TEAD4: variants seen among roughly 807,000 people sequenced by gnomAD.
TEAD4 encodes the protein transcriptional enhancer factor TEF-3.
Under a neutral mutation model 52.4 loss-of-function variants are expected in TEAD4, and 36 were observed. The observed-to-expected ratio is 0.69, with a 90% CI of 0.53 to 0.91. The LOEUF (loss-of-function observed/expected upper bound fraction) is 0.91, where lower values mean the gene tolerates loss of function less well. Among genes scored for constraint, TEAD4 ranks in the 40% least tolerant of loss-of-function variants. The pLI is 0.00. For missense variants in TEAD4, 508 were observed against 583.9 expected, an observed-to-expected ratio of 0.87 and a Z score of 1.34; for synonymous variants, 220 against 231.0, an observed-to-expected ratio of 0.95 and a Z score of 0.43.
At chr12:3,032,921 C>T (rs1399890092) in intron 10 of TEAD4, among the ~76,000 whole-genome samples, 5 of 151,978 alleles carry the variant, frequency 3.3e-5, no homozygotes, top group African/African-American at 1.2e-4. Context: ...TGCCCCGGCT[C>T]CCCCCGCATC....
intron 10 of TEAD4, among the ~76,000 whole-genome samples, chr12:3,035,014 T>C (rs2098278486): frequency 6.6e-6 from 1 of 151,846 alleles, no homozygotes; most frequent in Non-Finnish European, 1.5e-5. Context: ...GGCAGAAGAA[T>C]CACTTGAACC....
intron 2 of TEAD4, among the ~76,000 whole-genome samples, chr12:2,986,988 G>T (rs2098239081): frequency 6.6e-6 from 1 of 152,198 alleles, no homozygotes; most frequent in African/African-American, 2.4e-5. Flanking sequence ...TGCGTTCCTA[G>T]CTTTCTGGTC....
At chr12:2,986,002 C>T (rs1204702825) in intron 2 of TEAD4, among the ~76,000 whole-genome samples, 1 of 151,882 alleles carries the variant, frequency 6.6e-6, no homozygotes, top group East Asian at 2.0e-4. Context: ...CGGAGAATTG[C>T]TTGAACCCGG....
intron 9 of TEAD4, 52 bp from the exon 10 acceptor site, chr12:3,021,792 G>C: frequency 6.3e-7 from 1 of 1,585,298 alleles, no homozygotes; most frequent in South Asian, 1.2e-5. Flanking sequence ...AGGGTTGTCT[G>C]TCTGACCGTC....
chr12:3,018,526 A>G lies in TEAD4; in HGVS notation c.484-19A>G. ...GTGCACCTGGGGCCGTGCTGATTCC[A>G]TGCCTTTTGCCTCCTCAGTTTTGGC... On this transcript the variant is annotated intron_variant, in intron 6 of 12. Transcript: ENST00000359864. 1 of 1,613,892 alleles carries G rather than the reference A, an allele frequency of 6.2e-7. No homozygotes were observed. Among genetic ancestry groups the G allele is most frequent in the Non-Finnish European group, 8.5e-7 (1 of 1,179,932 alleles).
rs955229626 is a variant in TEAD4 at position 2,994,135 on chromosome 12, C to T, written c.-29-603C>T. On this transcript the variant is annotated intron_variant, in intron 2 of 12. Coordinates refer to ENST00000359864, the MANE Select transcript of TEAD4 (RefSeq NM_003213.4). The surrounding 1 kb of genome is among the most constrained non-coding windows in gnomAD (Gnocchi z 4.7). ...TGTCACCCAGGCTGGAGTGTAGTGG[C>T]GGGATCTCGGCTCACTGCAACCTCT... 2.4e-4 allele frequency among the ~76,000 whole-genome samples: 36 copies of T among 152,084 alleles called. No homozygotes were observed. Among genetic ancestry groups the T allele is most frequent in the African/African-American group, 8.0e-4 (33 of 41,422 alleles).
intron 2 of TEAD4, among the ~76,000 whole-genome samples, chr12:2,988,330 T>G (rs1037885563): frequency 6.6e-6 from 1 of 151,792 alleles, no homozygotes; most frequent in Non-Finnish European, 1.5e-5. Flanking sequence ...CTGGCCAACA[T>G]GGCGAAACCC....
intron 5 of TEAD4, among the ~76,000 whole-genome samples, chr12:3,015,474 C>T (rs1283684042): frequency 6.6e-6 from 1 of 152,218 alleles, no homozygotes; most frequent in Non-Finnish European, 1.5e-5. Flanking sequence ...AGTGGAAGGG[C>T]CTGCTGTGTT....
intron 2 of TEAD4, among the ~76,000 whole-genome samples, chr12:2,968,051 C>A (rs752289021): frequency 6.6e-6 from 1 of 151,454 alleles, no homozygotes; most frequent in African/African-American, 2.4e-5. Context: ...TCCTCTACCC[C>A]CAACCAGTGA....
intron 2 of TEAD4, among the ~76,000 whole-genome samples, chr12:2,963,544 C>A (rs1177796479): frequency 6.6e-6 from 1 of 152,200 alleles, no homozygotes; most frequent in Admixed American, 6.5e-5. Context: ...GCCAGGAGGG[C>A]CCAGGTGGAG....
chr12:2,975,303 G>C (rs1367201488), intron 2 of TEAD4, among the ~76,000 whole-genome samples: 1 of 151,696 alleles, frequency 6.6e-6, no homozygotes, highest in East Asian at 1.9e-4. Context: ...TTAACATCTT[G>C]CATTTGTTGC....
chr12:3,033,844 G>C (rs561344796), intron 10 of TEAD4, among the ~76,000 whole-genome samples: 70 of 152,244 alleles, frequency 4.6e-4, no homozygotes, highest in Non-Finnish European at 7.8e-4. Flanking sequence ...TGCTCAGTGT[G>C]GGGGGATATG....
chr12:2,974,467 C>T lies in TEAD4; in HGVS notation c.-30+14427C>T, dbSNP rs188391736. Reference sequence around the variant, plus strand: ...AAGCTCATTCTAACCCCGCCTGCTCCTATGTCCTCAGAGCCATGGCCCAGT... The same window carrying T: ...AAGCTCATTCTAACCCCGCCTGCTCTTATGTCCTCAGAGCCATGGCCCAGT... On this transcript the variant is annotated intron_variant, in intron 2 of 12. Transcript: ENST00000359864. 2.7e-3 allele frequency among the ~76,000 whole-genome samples: 407 copies of T among 152,352 alleles called. 1 individual carries two copies. Among genetic ancestry groups the T allele is most frequent in the African/African-American group, 9.4e-3 (390 of 41,584 alleles).
chr12:3,032,484 G>A lies in TEAD4; in HGVS notation c.898-5484G>A, dbSNP rs141743863. Among the ~76,000 whole-genome samples, 508 of 152,282 alleles carry A rather than the reference G, an allele frequency of 3.3e-3. 3 individuals carry two copies. Among genetic ancestry groups the A allele is most frequent in the African/African-American group, 0.012 (499 of 41,564 alleles). Reference sequence around the variant, plus strand: ...GATGTGTCATGGCAGGGCACGGTGGGCAGCAGTTGGCCCCAGCTGGGGCAG... The same window carrying A: ...GATGTGTCATGGCAGGGCACGGTGGACAGCAGTTGGCCCCAGCTGGGGCAG... On this transcript the variant is annotated intron_variant, in intron 10 of 12. Coordinates refer to ENST00000359864, the MANE Select transcript of TEAD4 (RefSeq NM_003213.4).
At chr12:3,017,206 A>G in intron 5 of TEAD4, 192 bp from the exon 6 acceptor site, 1 of 713,372 alleles carries the variant, frequency 1.4e-6, no homozygotes, top group South Asian at 1.6e-5. Context: ...ACAGATGAGA[A>G]AACTGACCAG....
In TEAD4 at chr12:2,962,327, AAT is replaced by A. The variant is rs745423413; in HGVS notation, c.-30+2291_-30+2292del. ...ATATAAATATATAAATATATATATA[AAT>A]ATAAATATATATATATATTTTTTGA... On this transcript the variant is annotated intron_variant, in intron 2 of 12. Transcript: ENST00000359864. Among the ~76,000 whole-genome samples the A allele has an allele frequency of 9.0e-3, 1,012 of 112,744 alleles. 28 individuals carry two copies. The highest frequency in any genetic ancestry group is 0.04 in the African/African-American group (938 of 23,340). 74.0% of individuals were successfully genotyped at this position (112,744 alleles called of 152,430 possible). A position where few individuals can be genotyped will look rare whatever the true frequency, so the allele number is the denominator to read the frequency against.
intron 10 of TEAD4, among the ~76,000 whole-genome samples, chr12:3,023,396 G>A (rs1013697230): frequency 6.6e-6 from 1 of 152,076 alleles, no homozygotes; most frequent in African/African-American, 2.4e-5. Flanking sequence ...GTTCTGGAAT[G>A]AAAAATAAGT....
At chr12:2,960,193 G>C in intron 2 of TEAD4, 153 bp downstream of exon 2, 2 of 642,940 alleles carry the variant, frequency 3.1e-6, no homozygotes, top group Non-Finnish European at 3.9e-6. Context: ...GGCTCCAGGG[G>C]CGGGTAAGGG....
chr12:3,025,163 T>C (rs2098271310), intron 10 of TEAD4, among the ~76,000 whole-genome samples: 1 of 152,174 alleles, frequency 6.6e-6, no homozygotes, highest in African/African-American at 2.4e-5. Context: ...AGCCTGGTCT[T>C]GAACTCCTGA....
Sources: allele counts gnomAD v4.1 joint callset (sites outside exome capture counted in the v4.1 genomes callset), GRCh38; gene constraint gnomAD v4.1.1; non-coding constraint Gnocchi (gnomAD v3.1); transcripts MANE v1.5; gene names NCBI Gene and HGNC (gene_info 2026-07-23, HGNC 2026-07-21).